Variants in C12orf75 observed in about 807,000 individuals in gnomAD.
C12orf75 encodes chromosome 12 open reading frame 75.
Under a neutral mutation model 11.4 loss-of-function variants are expected in C12orf75, and 4 were observed. That is an observed-to-expected ratio of 0.35 (90% CI 0.17 to 0.80). The LOEUF (loss-of-function observed/expected upper bound fraction) is 0.80, where lower values mean the gene tolerates loss of function less well. Ranked by LOEUF, C12orf75 falls within the 30% of genes least tolerant of loss-of-function variation. C12orf75 has a pLI of 0.52. For synonymous variants in C12orf75, 30 were observed against 30.0 expected (o/e 1.00, Z 0.00); for missense variants, 89 against 80.4 (o/e 1.11, Z -0.41).
rs544365615 is a variant in C12orf75, at chr12:105,338,332, A to G, written c.46+7395A>G. On this transcript the variant is annotated intron_variant, in intron 1 of 5. Coordinates refer to ENST00000443585, the MANE Select transcript of C12orf75 (RefSeq NM_001145199.2). ...TGGGATTACAGGCATGCACCACCGC[A>G]CCCAGCTAATTTTGTATTTTTAGTG... 2.4e-4 allele frequency among the ~76,000 whole-genome samples: 37 copies of G among 152,062 alleles called. No individual in the cohort carries two copies. In the East Asian group the frequency reaches 7.0e-3, roughly 29 times the overall value.
chr12:105,346,991 T>C (rs1892649416), intron 1 of C12orf75, among the ~76,000 whole-genome samples: 1 of 152,264 alleles, frequency 6.6e-6, no homozygotes, highest in African/African-American at 2.4e-5. Flanking sequence ...TTTTTACACA[T>C]TGTCTTTTTA....
intron 1 of C12orf75, among the ~76,000 whole-genome samples, chr12:105,346,759 A>G (rs1219887973): frequency 6.6e-6 from 1 of 152,218 alleles, no homozygotes; most frequent in Non-Finnish European, 1.5e-5. Context: ...AATGAATATC[A>G]TTGTTTGATT....
At chr12:105,341,078 A>G (rs1892567466) in intron 1 of C12orf75, among the ~76,000 whole-genome samples, 1 of 152,234 alleles carries the variant, frequency 6.6e-6, no homozygotes, top group Non-Finnish European at 1.5e-5. Context: ...GCCATGTGAA[A>G]CGAAGACAAT....
At chr12:105,358,692 C>T (rs1238877091) in intron 2 of C12orf75, among the ~76,000 whole-genome samples, 1 of 152,122 alleles carries the variant, frequency 6.6e-6, no homozygotes. Flanking sequence ...TGTCTTGATA[C>T]CAGAGAAAGC....
chr12:105,353,789 C>G (rs1450024959), intron 2 of C12orf75, among the ~76,000 whole-genome samples: 2 of 152,116 alleles, frequency 1.3e-5, no homozygotes, highest in Non-Finnish European at 1.5e-5. Context: ...ACCATAGCTA[C>G]TCAATGTAAA....
intron 2 of C12orf75, among the ~76,000 whole-genome samples, chr12:105,357,809 A>T (rs199915142): frequency 0.33 from 36,015 of 109,696 alleles, 4,475 homozygotes; most frequent in Non-Finnish European, 0.38. Flanking sequence ...TGTGTGTGTG[A>T]GAGAGAGAGA....
intron 2 of C12orf75, among the ~76,000 whole-genome samples, chr12:105,352,801 A>C (rs1171817963): frequency 1.3e-5 from 2 of 152,192 alleles, no homozygotes; most frequent in Non-Finnish European, 2.9e-5. Flanking sequence ...AGCTAGGTTA[A>C]CCTTCAACAC....
chr12:105,354,271 G>T (rs1453049992), intron 2 of C12orf75, among the ~76,000 whole-genome samples: 3 of 152,154 alleles, frequency 2.0e-5, no homozygotes, highest in African/African-American at 4.8e-5. Context: ...ATAATTATCT[G>T]TGAAATTGGG....
chr12:105,348,518 T>A, intron 1 of C12orf75, 84 bp from the exon 2 acceptor site: 2 of 853,252 alleles, frequency 2.3e-6, no homozygotes, highest in Non-Finnish European at 3.4e-6. Flanking sequence ...TCAGGAATAT[T>A]ACTGTATTTT....
chr12:105,357,070 C>T (rs551718105), intron 2 of C12orf75, among the ~76,000 whole-genome samples: 3 of 152,226 alleles, frequency 2.0e-5, no homozygotes, highest in South Asian at 4.2e-4. Flanking sequence ...TCCAGAACCC[C>T]GACCTACAAG....
chr12:105,340,430 C>CAAAAA (rs60658476), intron 1 of C12orf75, among the ~76,000 whole-genome samples: 1 of 115,410 alleles, frequency 8.7e-6, no homozygotes. Flanking sequence ...GTGCCCCCGC[C>CAAAAA]AAAAAAAAAA....
Position 105,332,127 on chromosome 12 carries a change from T to TGA in C12orf75, c.46+1192_46+1193dup, listed in dbSNP as rs755071668. On this transcript the variant is annotated intron_variant, in intron 1 of 5. Transcript: ENST00000443585. Reference sequence around the variant, plus strand: ...AGGTTAGTGTAGCACCTTATGCTAATGAGGGCAGACGGGCTTCAAACCTGC... The same window carrying TGA: ...AGGTTAGTGTAGCACCTTATGCTAATGAGAGGGCAGACGGGCTTCAAACCTGC... Among the ~76,000 whole-genome samples, 22 of 152,336 alleles carry TGA rather than the reference T, an allele frequency of 1.4e-4. No individual in the cohort carries two copies. The East Asian group carries it at 1.5e-3, about 11-fold the overall frequency.
rs1275949828 is a variant in C12orf75 at position 105,371,492 on chromosome 12, C to G, written c.*892C>G. On this transcript the variant is annotated 3_prime_UTR_variant, in exon 6 of 6. Coordinates refer to ENST00000443585, the MANE Select transcript of C12orf75 (RefSeq NM_001145199.2). Reference sequence around the variant, plus strand: ...TACTCAATTCACCAATGTATTTCAACAATTAAAACATTTTTATCCCTCTTC... The same window carrying G: ...TACTCAATTCACCAATGTATTTCAAGAATTAAAACATTTTTATCCCTCTTC... 6.6e-6 allele frequency: 1 copy of G among 152,152 alleles called. No homozygotes were observed. Among genetic ancestry groups the G allele is most frequent in the Admixed American group, 6.5e-5 (1 of 15,268 alleles). 9.4% of individuals were successfully genotyped at this position (152,152 alleles called of 1,614,324 possible).
chr12:105,332,518 G>A (rs1892444087), intron 1 of C12orf75, among the ~76,000 whole-genome samples: 1 of 152,074 alleles, frequency 6.6e-6, no homozygotes, highest in South Asian at 2.1e-4. Context: ...GATCATCTGA[G>A]CTCAGGAACT....
chr12:105,335,862 T>A (rs1171712280), intron 1 of C12orf75, among the ~76,000 whole-genome samples: 1 of 152,272 alleles, frequency 6.6e-6, no homozygotes, highest in Non-Finnish European at 1.5e-5. Context: ...TTGAAATATA[T>A]TTGTTGAATG....
At chr12:105,348,847 G>A (rs368452057) in intron 2 of C12orf75, among the ~76,000 whole-genome samples, 3 of 152,132 alleles carry the variant, frequency 2.0e-5, no homozygotes, top group Admixed American at 6.5e-5. Flanking sequence ...CTTTAACTCA[G>A]GATCTTAAGA....
At chr12:105,348,418 C>CAAAAA (rs35593271) in intron 1 of C12orf75, among the ~76,000 whole-genome samples, 184 bp from the exon 2 acceptor site, 3 of 116,106 alleles carry the variant, frequency 2.6e-5, no homozygotes, top group Non-Finnish European at 3.6e-5. Context: ...GTATCTGAAA[C>CAAAAA]AAAAAAAAAA....
chr12:105,364,576 C>T (rs905798068), intron 2 of C12orf75, among the ~76,000 whole-genome samples: 2 of 152,206 alleles, frequency 1.3e-5, no homozygotes, highest in Non-Finnish European at 2.9e-5. Context: ...GAAATATTCA[C>T]AGCTTTTAAG....
Position 105,366,582 on chromosome 12 carries a change from T to C in C12orf75, c.108-35T>C, listed in dbSNP as rs773811666. Reference sequence around the variant, plus strand: ...TCTGTTGCTTCCTGTAAATAGATAGTACCATTTAAATTGGTTTGATTTCTT... The same window carrying C: ...TCTGTTGCTTCCTGTAAATAGATAGCACCATTTAAATTGGTTTGATTTCTT... On this transcript the variant is annotated intron_variant, in intron 3 of 5. Transcript: ENST00000443585. 26 of 1,039,066 alleles carry C rather than the reference T, an allele frequency of 2.5e-5. No homozygotes were observed. In the South Asian group the frequency reaches 3.5e-4, roughly 14 times the overall value. 64.4% of individuals were successfully genotyped at this position (1,039,066 alleles called of 1,614,324 possible).
Sources: allele counts gnomAD v4.1 joint callset (sites outside exome capture counted in the v4.1 genomes callset), GRCh38; gene constraint gnomAD v4.1.1; transcripts MANE v1.5; gene names NCBI Gene and HGNC (gene_info 2026-07-23, HGNC 2026-07-21).